MGST1: variants seen among roughly 807,000 people sequenced by gnomAD.
The protein encoded by MGST1 is microsomal glutathione S-transferase 1, also known as glutathione S-transferase 12.
Under a neutral mutation model 8.9 loss-of-function variants are expected in MGST1, and 5 were observed. The ratio of observed to expected loss-of-function variants is 0.56; its 90% CI spans 0.29 to 1.19. MGST1 has a LOEUF of 1.19. Among genes scored for constraint, MGST1 ranks in the 50% most tolerant of loss-of-function variants. The pLI is 0.08. For missense variants in MGST1, 182 were observed against 187.4 expected, an observed-to-expected ratio of 0.97 and a Z score of 0.17; for synonymous variants, 54 against 67.8, an observed-to-expected ratio of 0.80 and a Z score of 1.00.
At position 16,394,508 on chromosome 12, in the gene MGST1, CTCTCCCTTTCTT is replaced by C. The variant is rs1299546412; in HGVS notation, n.778+10908_778+10919del. 7.8e-5 allele frequency among the ~76,000 whole-genome samples: 9 copies of C among 114,750 alleles called. 3 individuals carry two copies. The highest frequency in any genetic ancestry group is 3.0e-4 in the African/African-American group (9 of 30,116). The allele number at this position is 114,750 out of a possible 152,430, so 75.3% of individuals were successfully genotyped here. A position where few individuals can be genotyped will look rare whatever the true frequency, so the allele number is the denominator to read the frequency against. The stretch of plus-strand genomic sequence containing the variant: ...TTCCTTTCTTTCTTTCTCTCTCTTT[CTCTCCCTTTCTT>C]TCTTTCTTTCTTTCTTTCTTTCTTT... On this transcript the variant is annotated intron_variant and non_coding_transcript_variant, in intron 1 of 1. Coordinates refer to the MGST1 transcript ENST00000359720.
intron 1 of MGST1, among the ~76,000 whole-genome samples, chr12:16,387,676 A>T (rs7298807): frequency 6.6e-6 from 1 of 151,412 alleles, no homozygotes; most frequent in Admixed American, 6.6e-5. Context: ...ACAGGCGCCC[A>T]CCACCACGCC....
chr12:16,452,302 T>C (rs1299989383), intron 4 of MGST1, among the ~76,000 whole-genome samples: 2 of 151,664 alleles, frequency 1.3e-5, no homozygotes, highest in African/African-American at 4.8e-5. Context: ...TATGTTTTTG[T>C]AGATAGCAAG....
chr12:16,474,041 C>G (rs921432698), intron 4 of MGST1, among the ~76,000 whole-genome samples: 2 of 152,158 alleles, frequency 1.3e-5, no homozygotes, highest in African/African-American at 2.4e-5. Context: ...CTATGCTATA[C>G]TGGAACGGAG....
Position 16,400,419 on chromosome 12 carries a change from A to G in MGST1, n.778+16815A>G, listed in dbSNP as rs1319361440. The G allele has an allele frequency of 1.5e-5, 12 of 813,644 alleles. No homozygotes were observed. In the East Asian group the frequency reaches 2.2e-4, roughly 15 times the overall value. 50.4% of individuals were successfully genotyped at this position (813,644 alleles called of 1,614,324 possible). Reference sequence around the variant, plus strand: ...AGCCTTGCAGCCTCTTTTGGGCAATATTTGGGCGAATGTATAGATCTTTCA... The same window carrying G: ...AGCCTTGCAGCCTCTTTTGGGCAATGTTTGGGCGAATGTATAGATCTTTCA... On this transcript the variant is annotated intron_variant and non_coding_transcript_variant, in intron 1 of 1. Transcript: ENST00000359720.
At chr12:16,575,788 C>T (rs1942975046) in intron 4 of MGST1, among the ~76,000 whole-genome samples, 1 of 145,470 alleles carries the variant, frequency 6.9e-6, no homozygotes, top group African/African-American at 2.6e-5. Context: ...ATGTCCTGAC[C>T]TGTAGGAAGT....
intron 1 of MGST1, among the ~76,000 whole-genome samples, chr12:16,386,684 C>A (rs572312975): frequency 2.6e-5 from 4 of 152,324 alleles, no homozygotes; most frequent in African/African-American, 9.6e-5. Context: ...AACACCCAAA[C>A]TGTGTACAGT....
chr12:16,416,994 A>G (rs950690029), intron 1 of MGST1, among the ~76,000 whole-genome samples: 2 of 152,144 alleles, frequency 1.3e-5, no homozygotes, highest in South Asian at 2.1e-4. Context: ...TTAGCCTTCA[A>G]TTCCTGTATG....
chr12:16,562,375 C>T (rs1942437539), intron 4 of MGST1, among the ~76,000 whole-genome samples: 1 of 152,132 alleles, frequency 6.6e-6, no homozygotes, highest in African/African-American at 2.4e-5. Context: ...TATATAACAT[C>T]TGGTTAACAT....
intron 1 of MGST1, among the ~76,000 whole-genome samples, chr12:16,393,330 C>T (rs1016788556): frequency 5.9e-5 from 9 of 152,224 alleles, no homozygotes; most frequent in Admixed American, 2.0e-4. Flanking sequence ...GCAGCTTTAG[C>T]TTCCTGCAGT....
At position 16,359,604 on chromosome 12, in the gene MGST1, GA is replaced by G. The variant is rs1012761443; in HGVS notation, c.221+1913del. 3.0e-3 allele frequency among the ~76,000 whole-genome samples: 454 copies of G among 151,448 alleles called. 6 individuals carry two copies. Among genetic ancestry groups the G allele is most frequent in the African/African-American group, 0.01 (428 of 41,340 alleles). ...TCAAAGGAAAAATTATGTGTTAGAC[GA>G]AAAAAAATAAAAAAAAGTGAGTGAA... On this transcript the variant is annotated intron_variant, in intron 3 of 3. Coordinates refer to ENST00000396210, the MANE Select transcript of MGST1 (RefSeq NM_020300.5).
At chr12:16,487,699 G>A (rs898249187) in intron 4 of MGST1, among the ~76,000 whole-genome samples, 1 of 152,136 alleles carries the variant, frequency 6.6e-6, no homozygotes, top group African/African-American at 2.4e-5. Flanking sequence ...CCAGGCTGGA[G>A]GGCAGTGGCG....
intron 2 of MGST1, among the ~76,000 whole-genome samples, chr12:16,356,773 A>T (rs1217958650): frequency 2.0e-5 from 3 of 152,188 alleles, no homozygotes; most frequent in Non-Finnish European, 4.4e-5. Context: ...TTCAACCCAA[A>T]GTTTTATCTG....
rs981322660 is a variant in MGST1 at position 16,555,121 on chromosome 12, C to T, written n.483-34407C>T. On this transcript the variant is annotated intron_variant and non_coding_transcript_variant, in intron 4 of 4. Coordinates refer to the MGST1 transcript ENST00000538857. The surrounding 1 kb of genome is among the most constrained non-coding windows in gnomAD (Gnocchi z 5.5). ...AACGAATGAGTACATGTAAAACACT[C>T]AGAACGGTGTTTGGTGTTTGACTAA... is the stretch of plus-strand genomic sequence containing the variant. Among the ~76,000 whole-genome samples the T allele has an allele frequency of 6.6e-6, 1 of 152,226 alleles. No individual in the cohort carries two copies. The highest frequency in any genetic ancestry group is 2.4e-5 in the African/African-American group (1 of 41,454).
At chr12:16,478,886 T>C (rs1190485251) in intron 4 of MGST1, among the ~76,000 whole-genome samples, 1 of 152,168 alleles carries the variant, frequency 6.6e-6, no homozygotes, top group Admixed American at 6.6e-5. Context: ...CACAGTGTTG[T>C]ACACTGCCTC....
Position 16,413,860 on chromosome 12 carries a change from C to T in MGST1, n.779-23528C>T, listed in dbSNP as rs181875609. 6.6e-6 allele frequency among the ~76,000 whole-genome samples: 1 copy of T among 152,096 alleles called. No homozygotes were observed. The highest frequency in any genetic ancestry group is 1.9e-4 in the East Asian group (1 of 5,186). On this transcript the variant is annotated intron_variant and non_coding_transcript_variant, in intron 1 of 1. Transcript: ENST00000359720. This position sits in a 1 kb window ranked among gnomAD's most constrained non-coding sequence, Gnocchi z 4.0. The stretch of plus-strand genomic sequence containing the variant: ...CACATTGAAGACTCTTAGCCATTGC[C>T]AAATCAATGAATGAAAGTATACATA...
chr12:16,497,823 G>A lies in MGST1; in HGVS notation n.483-91705G>A, dbSNP rs1189745678. ...TTTGTAAGAATTCCCTTGGTAATAT[G>A]TTAAAATAGCACATTCTTTGGACAT... is the stretch of plus-strand genomic sequence containing the variant. On this transcript the variant is annotated intron_variant and non_coding_transcript_variant, in intron 4 of 4. Coordinates refer to the MGST1 transcript ENST00000538857. This position sits in a 1 kb window ranked among gnomAD's most constrained non-coding sequence, Gnocchi z 4.4. Among the ~76,000 whole-genome samples the A allele has an allele frequency of 6.6e-6, 1 of 152,166 alleles. No individual in the cohort carries two copies. Among genetic ancestry groups the A allele is most frequent in the Non-Finnish European group, 1.5e-5 (1 of 68,026 alleles).
intron 1 of MGST1, among the ~76,000 whole-genome samples, chr12:16,432,469 C>G (rs1264226973): frequency 6.6e-6 from 1 of 151,968 alleles, no homozygotes; most frequent in Non-Finnish European, 1.5e-5. Flanking sequence ...TAGTTTTTAT[C>G]TGCCTAGTCT....
At chr12:16,567,125 G>C (rs1565489241) in intron 4 of MGST1, among the ~76,000 whole-genome samples, 1 of 152,158 alleles carries the variant, frequency 6.6e-6, no homozygotes, top group Non-Finnish European at 1.5e-5. Flanking sequence ...GAACCTGCGA[G>C]GCGGAGGTTG....
At position 16,371,969 on chromosome 12, in the gene MGST1, T is replaced by C. The variant is rs540004778; in HGVS notation, c.222-4153T>C. 4.6e-5 allele frequency among the ~76,000 whole-genome samples: 7 copies of C among 152,062 alleles called. 1 individual carries two copies. In the South Asian group the frequency reaches 1.0e-3, roughly 23 times the overall value. ...TCTTCAATAAATGCTACTGGGAAAA[T>C]TGGATCTCCACGTGCAGAAAAAGGA... is the stretch of plus-strand genomic sequence containing the variant. On this transcript the variant is annotated intron_variant, in intron 3 of 3. Coordinates refer to the MGST1 transcript ENST00000535309.
Sources: allele counts gnomAD v4.1 joint callset (sites outside exome capture counted in the v4.1 genomes callset), GRCh38; gene constraint gnomAD v4.1.1; non-coding constraint Gnocchi (gnomAD v3.1); transcripts MANE v1.5; gene names NCBI Gene and HGNC (gene_info 2026-07-23, HGNC 2026-07-21).